RNF122: variants seen among roughly 807,000 people sequenced by gnomAD.
The protein encoded by RNF122 is ring finger protein 122.
In RNF122, 17 loss-of-function variants were observed where a neutral mutation model predicts 24.2. The observed-to-expected ratio is 0.70, with a 90% CI of 0.48 to 1.06. RNF122 has a LOEUF of 1.06. RNF122 is among the 50% of genes least tolerant of loss of function. RNF122 has a pLI of 0.00. For missense variants in RNF122, 168 were observed against 198.1 expected (o/e 0.85, Z 0.91); for synonymous variants, 65 against 71.8 (o/e 0.91, Z 0.48).
chr8:33,558,015 C>T (rs149248163), intron 2 of RNF122, among the ~76,000 whole-genome samples: 1,881 of 152,068 alleles, frequency 0.012, 36 homozygotes, highest in African/African-American at 0.044. Flanking sequence ...TGGTGGCGTG[C>T]GCCTATAATC....
At position 33,558,774 on chromosome 8, in the gene RNF122, G is replaced by A. The variant is rs887558241; in HGVS notation, c.26-3C>T. 2.2e-5 allele frequency: 33 copies of A among 1,523,166 alleles called. 1 individual carries two copies. The highest frequency in any genetic ancestry group is 2.9e-5 in the Non-Finnish European group (33 of 1,137,518). The allele number at this position is 1,523,166 out of a possible 1,614,324, so 94.4% of individuals were successfully genotyped here. A position where few individuals can be genotyped will look rare whatever the true frequency, so the allele number is the denominator to read the frequency against. ...CAGTCCCAGGCCACAGAAACACCCT[G>A]CAAAGGGAGAGAAAAAAAAATCATT... is the stretch of plus-strand genomic sequence containing the variant. On this transcript the variant is annotated splice_region_variant and splice_polypyrimidine_tract_variant and intron_variant, in intron 1 of 5. Coordinates refer to ENST00000256257, the MANE Select transcript of RNF122 (RefSeq NM_024787.3).
chr8:33,558,785 G>A lies in RNF122; in HGVS notation c.26-14C>T, dbSNP rs1563369899. On this transcript the variant is annotated splice_polypyrimidine_tract_variant and intron_variant, in intron 1 of 5. Transcript: ENST00000256257. ...CACAGAAACACCCTGCAAAGGGAGA[G>A]AAAAAAAAATCATTAGGGTTGGAAA... is the stretch of plus-strand genomic sequence containing the variant. 3.0e-5 allele frequency: 43 copies of A among 1,452,936 alleles called. No homozygotes were observed. In the Middle Eastern group the frequency reaches 5.5e-4, roughly 19 times the overall value. 90.0% of individuals were successfully genotyped at this position (1,452,936 alleles called of 1,614,324 possible). A position where few individuals can be genotyped will look rare whatever the true frequency, so the allele number is the denominator to read the frequency against.
Position 33,566,842 on chromosome 8 carries a change from C to A in RNF122, c.-119G>T, listed in dbSNP as rs1185219391. 1 of 1,188,548 alleles carries A rather than the reference C, an allele frequency of 8.4e-7. No individual in the cohort carries two copies. Among genetic ancestry groups the A allele is most frequent in the East Asian group, 2.6e-5 (1 of 39,156 alleles). 73.6% of individuals were successfully genotyped at this position (1,188,548 alleles called of 1,614,324 possible). ...GCGGGGTCGGGGCAGCGCGCTGCAGCCGCCCTGCTGGAGAAGCCGAACTCC... is the reference window on the plus strand; with the variant it reads ...GCGGGGTCGGGGCAGCGCGCTGCAGACGCCCTGCTGGAGAAGCCGAACTCC... On this transcript the variant is annotated 5_prime_UTR_variant, in exon 1 of 6. Transcript: ENST00000256257.
chr8:33,562,094 C>T (rs1810547724), intron 1 of RNF122, among the ~76,000 whole-genome samples: 1 of 152,126 alleles, frequency 6.6e-6, no homozygotes, highest in South Asian at 2.1e-4. Context: ...AGTCCAATAA[C>T]CTCTCTTCCT....
chr8:33,548,163 G>A lies in RNF122; in HGVS notation c.*590C>T, dbSNP rs1429181557. ...GGGAAGGGCCCTCTCTTACTCTGGA[G>A]TCAGCTGGCGCCCGCCAGCCTTTGT... On this transcript the variant is annotated 3_prime_UTR_variant, in exon 6 of 6. Coordinates refer to ENST00000256257, the MANE Select transcript of RNF122 (RefSeq NM_024787.3). The A allele has an allele frequency of 6.6e-6, 1 of 152,630 alleles. No homozygotes were observed. The highest frequency in any genetic ancestry group is 6.5e-5 in the Admixed American group (1 of 15,274). The allele number at this position is 152,630 out of a possible 1,614,324, so 9.5% of individuals were successfully genotyped here.
intron 2 of RNF122, among the ~76,000 whole-genome samples, chr8:33,556,104 C>T (rs191871886): frequency 1.3e-3 from 185 of 140,988 alleles, no homozygotes; most frequent in African/African-American, 4.8e-3. Context: ...GGCTTGGGCC[C>T]GGGAGGTGGA....
intron 1 of RNF122, among the ~76,000 whole-genome samples, chr8:33,563,699 G>A (rs1810574853): frequency 6.6e-6 from 1 of 152,100 alleles, no homozygotes; most frequent in Non-Finnish European, 1.5e-5. Flanking sequence ...CTTCCAACAA[G>A]ACCTGGTGCT....
chr8:33,565,414 T>C (rs922738667), intron 1 of RNF122, among the ~76,000 whole-genome samples: 2 of 151,924 alleles, frequency 1.3e-5, no homozygotes, highest in African/African-American at 4.8e-5. Context: ...TCGCTTGCCA[T>C]ACTGAGAGAT....
chr8:33,558,825 GA>G, intron 1 of RNF122, 54 bp from the exon 2 acceptor site: 1 of 1,408,160 alleles, frequency 7.1e-7, no homozygotes, highest in Non-Finnish European at 9.6e-7. Context: ...CTGCTGGGCT[GA>G]TAGCACTGTG....
At chr8:33,553,801 A>G (rs1310747362) in intron 2 of RNF122, among the ~76,000 whole-genome samples, 1 of 152,132 alleles carries the variant, frequency 6.6e-6, no homozygotes, top group East Asian at 1.9e-4. Context: ...AGCCTCCTCC[A>G]TTGTTCCTGA....
At position 33,548,203 on chromosome 8, in the gene RNF122, T is replaced by C. The variant is rs937268922; in HGVS notation, c.*550A>G. 2 of 152,644 alleles carry C rather than the reference T, an allele frequency of 1.3e-5. No individual in the cohort carries two copies. The highest frequency in any genetic ancestry group is 1.5e-5 in the Non-Finnish European group (1 of 68,094). 9.5% of individuals were successfully genotyped at this position (152,644 alleles called of 1,614,324 possible). On this transcript the variant is annotated 3_prime_UTR_variant, in exon 6 of 6. Transcript: ENST00000256257. The stretch of plus-strand genomic sequence containing the variant: ...CCAGCCTTTGTTTCCATAGGTCCCA[T>C]GTAAACACTGACATTTTCCTTTATG...
At chr8:33,566,022 T>C (rs941624356) in intron 1 of RNF122, among the ~76,000 whole-genome samples, 1 of 152,088 alleles carries the variant, frequency 6.6e-6, no homozygotes, top group Non-Finnish European at 1.5e-5. Context: ...CCCGGCTAAT[T>C]TTGTATTTTT....
rs1810368201 is a variant in RNF122, at chr8:33,551,134, G to C, written c.229-49C>G. ...TGTCCAAAGAAGAACCAACCACTGG[G>C]GCCAGCCAGGTAGTATCAACCAATG... On this transcript the variant is annotated intron_variant, in intron 3 of 5. Coordinates refer to ENST00000256257, the MANE Select transcript of RNF122 (RefSeq NM_024787.3). 1.9e-6 allele frequency: 3 copies of C among 1,601,936 alleles called. No homozygotes were observed. The Admixed American group carries it at 5.0e-5, about 27-fold the overall frequency.
intron 2 of RNF122, among the ~76,000 whole-genome samples, chr8:33,556,702 A>G (rs1810458076): frequency 6.6e-6 from 1 of 152,196 alleles, no homozygotes; most frequent in African/African-American, 2.4e-5. Context: ...AAGAGAGGAG[A>G]GATACCAGAA....
chr8:33,551,120 G>A (rs774044334), intron 3 of RNF122, 35 bp from the exon 4 acceptor site: 5 of 1,612,920 alleles, frequency 3.1e-6, no homozygotes, highest in Non-Finnish European at 4.2e-6. Context: ...GTCCAAAGAA[G>A]AACCAACCAC....
chr8:33,552,578 C>T (rs1205095592), intron 2 of RNF122, among the ~76,000 whole-genome samples: 1 of 152,148 alleles, frequency 6.6e-6, no homozygotes, highest in Non-Finnish European at 1.5e-5. Flanking sequence ...AGGTGGAATA[C>T]ATCATAGTCC....
chr8:33,548,794 C>T lies in RNF122; in HGVS notation c.427G>A (p.Ala143Thr), dbSNP rs1810327291. Residue 143 changes from alanine (A) to threonine (T), a missense_variant, in exon 6 of 6, where the codon GCC becomes ACC. By Grantham distance (58) the Ala-to-Thr change is moderately conservative. Coordinates refer to ENST00000256257, the MANE Select transcript of RNF122 (RefSeq NM_024787.3). ...CNKPIASPSE[A>T]TQNIGILLDE... ...AATAGAATCCCAATGTTCTGCGTGG[C>T]CTCTGAGGGACTAGCAATGGGCTTG... 1 of 1,613,852 alleles carries T rather than the reference C, an allele frequency of 6.2e-7. No homozygotes were observed. Among genetic ancestry groups the T allele is most frequent in the South Asian group, 1.1e-5 (1 of 91,074 alleles).
chr8:33,556,894 T>C (rs1410550475), intron 2 of RNF122, among the ~76,000 whole-genome samples: 1 of 152,210 alleles, frequency 6.6e-6, no homozygotes, highest in African/African-American at 2.4e-5. Context: ...GGTGGGGAGA[T>C]GTGCCTGAGG....
chr8:33,549,289 C>T (rs1309782989), intron 5 of RNF122, 121 bp downstream of exon 5: 12 of 788,140 alleles, frequency 1.5e-5, no homozygotes, highest in South Asian at 1.2e-4. Context: ...TCGGTGTTCA[C>T]GTAGGACCTG....
Sources: gnomAD v4.1 joint callset for allele counts (sites outside exome capture counted in the v4.1 genomes callset) on GRCh38, gnomAD v4.1.1 for gene constraint, MANE v1.5 for transcripts, NCBI Gene and HGNC (gene_info 2026-07-23, HGNC 2026-07-21) for gene names.